The following RCC1L variants were observed in gnomAD, a reference collection of about 807,000 sequenced individuals.
The protein encoded by RCC1L is RCC1-like G exchanging factor-like protein.
In RCC1L, 46 loss-of-function variants were observed where a neutral mutation model predicts 58.6. That is an observed-to-expected ratio of 0.79 (90% confidence interval 0.62 to 1.00). RCC1L has a LOEUF of 1.00. Among genes scored for constraint, RCC1L ranks in the 50% least tolerant of loss-of-function variants. The pLI is 0.00. For synonymous variants in RCC1L, 281 were observed against 262.9 expected (o/e 1.07, Z -0.67); for missense variants, 636 against 623.6 (o/e 1.02, Z -0.21).
At chr7:75,033,751 CAG>C (rs1805371083) in intron 10 of RCC1L, among the ~76,000 whole-genome samples, 2 of 151,464 alleles carry the variant, frequency 1.3e-5, no homozygotes. Context: ...CCCAACTACT[CAG>C]AGGCTGAGGC....
At chr7:75,043,865 A>T (rs1203387416) in intron 10 of RCC1L, among the ~76,000 whole-genome samples, 1 of 152,098 alleles carries the variant, frequency 6.6e-6, no homozygotes, top group Non-Finnish European at 1.5e-5. Context: ...CCAGTCTGGG[A>T]ATCAGGCCCC....
intron 6 of RCC1L, 150 bp from the exon 7 acceptor site, chr7:75,058,919 G>A (rs2131996447): frequency 1.3e-6 from 1 of 789,470 alleles, no homozygotes; most frequent in Non-Finnish European, 2.0e-6. Context: ...GCTCACGCCT[G>A]TAATCCCACC....
chr7:75,060,535 A>G (rs1165681473), intron 6 of RCC1L, among the ~76,000 whole-genome samples: 1 of 152,222 alleles, frequency 6.6e-6, no homozygotes, highest in Non-Finnish European at 1.5e-5. Flanking sequence ...GGTTCAAGCC[A>G]TTCTCCTGCC....
rs1447070047 is a variant in RCC1L at position 75,043,185 on chromosome 7, C to T, written c.1318-76G>A. The T allele has an allele frequency of 1.4e-5, 22 of 1,542,780 alleles. No homozygotes were observed. In the Admixed American group the frequency reaches 2.0e-4, roughly 14 times the overall value. ...AGACAGGCGCTGGTGTTGGCCGACC[C>T]GGCCCTGCCTCTCAGTAGGAGACTC... is the stretch of plus-strand genomic sequence containing the variant. On this transcript the variant is annotated intron_variant, in intron 10 of 10. Coordinates refer to ENST00000610322, the MANE Select transcript of RCC1L (RefSeq NM_030798.5).
At chr7:75,056,190 T>G (rs909295511) in intron 8 of RCC1L, 116 bp from the exon 9 acceptor site, 37 of 1,275,892 alleles carry the variant, frequency 2.9e-5, no homozygotes, top group Non-Finnish European at 3.9e-5. Context: ...TTTTTGTTTT[T>G]TTTTTGTTTT....
At chr7:75,070,570 A>C in intron 2 of RCC1L, 70 bp downstream of exon 2, 1 of 1,517,790 alleles carries the variant, frequency 6.6e-7, no homozygotes, top group Non-Finnish European at 8.9e-7. Flanking sequence ...ACTCTGTCTC[A>C]AAAAAAATAC....
chr7:75,047,546 G>A (rs1385091410), intron 10 of RCC1L, among the ~76,000 whole-genome samples: 3 of 152,214 alleles, frequency 2.0e-5, no homozygotes, highest in Admixed American at 6.5e-5. Flanking sequence ...TATAGGCGTT[G>A]AGTTACCATG....
chr7:75,073,445 G>C lies in RCC1L; in HGVS notation c.293C>G (p.Pro98Arg). The change falls in exon 1 of 11, where the codon CCC becomes CGC. Residue 98 changes from proline (P) to arginine (R), a missense_variant. Coordinates refer to ENST00000610322, the MANE Select transcript of RCC1L (RefSeq NM_030798.5). ...GTCCAGCTCCAGGCGATAGGGCACG[G>C]GCTGGATCCTGCGGCGCGGTCGGGC... ...AGARPRRRIQ[P>R]VPYRLELDQK... 7.4e-7 allele frequency: 1 copy of C among 1,359,268 alleles called. No individual in the cohort carries two copies. Among genetic ancestry groups the C allele is most frequent in the Non-Finnish European group, 9.5e-7 (1 of 1,057,496 alleles). 84.2% of individuals were successfully genotyped at this position (1,359,268 alleles called of 1,614,324 possible). A position where few individuals can be genotyped will look rare whatever the true frequency, so the allele number is the denominator to read the frequency against.
At chr7:75,051,769 G>A (rs1805922457) in intron 10 of RCC1L, among the ~76,000 whole-genome samples, 5 of 152,092 alleles carry the variant, frequency 3.3e-5, no homozygotes, top group Admixed American at 3.3e-4. Flanking sequence ...CCAACCTTCT[G>A]ATAAAATACA....
intron 2 of RCC1L, among the ~76,000 whole-genome samples, chr7:75,068,400 T>A (rs1554445534): frequency 6.7e-6 from 1 of 148,538 alleles, no homozygotes; most frequent in African/African-American, 2.5e-5. Context: ...ACATCTGATA[T>A]ATAGGTCGGG....
At chr7:75,070,137 G>A (rs782263728) in intron 2 of RCC1L, among the ~76,000 whole-genome samples, 36 of 152,186 alleles carry the variant, frequency 2.4e-4, no homozygotes, top group Non-Finnish European at 4.1e-4. Flanking sequence ...AATGCCAGGT[G>A]CTTGCCTTTT....
chr7:75,068,843 T>C (rs1806609947), intron 2 of RCC1L, among the ~76,000 whole-genome samples: 1 of 152,126 alleles, frequency 6.6e-6, no homozygotes, highest in Non-Finnish European at 1.5e-5. Flanking sequence ...GGTAATTTCC[T>C]ATGTTATTTT....
intron 2 of RCC1L, among the ~76,000 whole-genome samples, chr7:75,069,790 C>T (rs1294627541): frequency 3.3e-5 from 5 of 151,994 alleles, no homozygotes; most frequent in African/African-American, 1.2e-4. Flanking sequence ...GTCTCGAACT[C>T]CTGGCCTCAA....
At chr7:75,041,887 A>T (rs1554442321), downstream of RCC1L, among the ~76,000 whole-genome samples, 1 of 151,468 alleles carries the variant, frequency 6.6e-6, no homozygotes. Flanking sequence ...AAAAAAGAAA[A>T]GAAAAAGAAA....
At chr7:75,052,335 CCT>C (rs1486289205) in intron 10 of RCC1L, among the ~76,000 whole-genome samples, 9 of 152,180 alleles carry the variant, frequency 5.9e-5, no homozygotes, top group African/African-American at 1.7e-4. Context: ...CACCATCGTG[CCT>C]CTGTTTCCCC....
At chr7:75,057,015 C>A (rs1806102179) in intron 8 of RCC1L, among the ~76,000 whole-genome samples, 2 of 152,090 alleles carry the variant, frequency 1.3e-5, no homozygotes, top group African/African-American at 4.8e-5. Flanking sequence ...ACAGAGTCAT[C>A]CAGGCTGGAG....
At chr7:75,043,904 C>G (rs1805638354) in intron 10 of RCC1L, among the ~76,000 whole-genome samples, 2 of 152,146 alleles carry the variant, frequency 1.3e-5, no homozygotes, top group African/African-American at 4.8e-5. Flanking sequence ...CTCATCTTAC[C>G]CGTCACCCCC....
chr7:75,051,215 TA>T (rs1805896653), intron 10 of RCC1L, among the ~76,000 whole-genome samples: 13 of 146,224 alleles, frequency 8.9e-5, no homozygotes, highest in Admixed American at 3.4e-4. Flanking sequence ...TATAAACGTA[TA>T]ATATAAATGT....
intron 5 of RCC1L, among the ~76,000 whole-genome samples, chr7:75,061,525 G>A (rs1806279461): frequency 6.6e-6 from 1 of 152,062 alleles, no homozygotes; most frequent in Admixed American, 6.6e-5. Context: ...CAAGAGCTCT[G>A]CCATCCATCC....
Sources: gnomAD v4.1 joint callset for allele counts (sites outside exome capture counted in the v4.1 genomes callset) on GRCh38, gnomAD v4.1.1 for gene constraint, MANE v1.5 for transcripts, NCBI Gene and HGNC (gene_info 2026-07-23, HGNC 2026-07-21) for gene names.